Variants in MACC1 observed in about 807,000 individuals in gnomAD.
MACC1 encodes the protein metastasis-associated in colon cancer protein 1.
A neutral mutation model predicts 70.7 loss-of-function variants in MACC1; 79 were observed. The observed-to-expected ratio is 1.12, with a 90% CI of 0.93 to 1.35. The LOEUF is 1.35. MACC1 is among the 40% of genes most tolerant of loss of function. The pLI is 0.00. For synonymous variants in MACC1, 361 were observed against 347.2 expected (o/e 1.04, Z -0.44); for missense variants, 1,106 against 978.1 (o/e 1.13, Z -1.74).
intron 5 of MACC1, among the ~76,000 whole-genome samples, chr7:20,155,340 A>G (rs1156614630): frequency 6.6e-6 from 1 of 152,210 alleles, no homozygotes; most frequent in South Asian, 2.1e-4. Flanking sequence ...TTTTTCCTAT[A>G]CATACACACC....
intron 1 of MACC1, among the ~76,000 whole-genome samples, chr7:20,194,035 C>T (rs925703468): frequency 2.6e-5 from 4 of 152,130 alleles, no homozygotes; most frequent in South Asian, 4.1e-4. Flanking sequence ...CTCTGATCTG[C>T]GGTGACTCCT....
chr7:20,154,345 G>A lies in MACC1; in HGVS notation c.2194C>T (p.Arg732Cys), dbSNP rs376402233. ...LKMDCQELVA[R>C]LIQEAAVLTS... is the part of the protein sequence containing the mutation. ...AGAACAGCAGCTTCTTGGATGAGAC[G>A]TGCGACTAACTCTTGGCAATCCATT... is the stretch of plus-strand genomic sequence containing the variant. Residue 732 changes from arginine (R) to cysteine (C), a missense_variant, in exon 6 of 7, where the codon CGT becomes TGT. Coordinates refer to ENST00000400331, the MANE Select transcript of MACC1 (RefSeq NM_182762.4). 5.6e-6 allele frequency: 9 copies of A among 1,613,834 alleles called. No homozygotes were observed. Among genetic ancestry groups the A allele is most frequent in the African/African-American group, 1.3e-5 (1 of 75,004 alleles).
At chr7:20,217,254 T>C (rs1054415183) in intron 1 of MACC1, 45 bp downstream of exon 1, 4 of 152,220 alleles carry the variant, frequency 2.6e-5, no homozygotes, top group Non-Finnish European at 1.5e-5. Context: ...GTGTAGCACA[T>C]ATCAATAGTG....
intron 2 of MACC1, among the ~76,000 whole-genome samples, chr7:20,169,716 T>C (rs1260101223): frequency 2.0e-5 from 3 of 152,200 alleles, no homozygotes; most frequent in African/African-American, 7.2e-5. Context: ...TAGTATAAAC[T>C]TGGAAAGATA....
At chr7:20,185,492 T>A (rs78782116) in intron 1 of MACC1, among the ~76,000 whole-genome samples, 171 of 124,486 alleles carry the variant, frequency 1.4e-3, no homozygotes, top group East Asian at 5.0e-3. Flanking sequence ...AAAAAAAAAA[T>A]TTTTTTTCTT....
chr7:20,177,844 C>A (rs2128105452), intron 1 of MACC1, among the ~76,000 whole-genome samples: 2 of 151,790 alleles, frequency 1.3e-5, no homozygotes, highest in African/African-American at 4.8e-5. Context: ...AACCATTTGA[C>A]TGGTTGTCCA....
chr7:20,216,639 A>C (rs1783074734), intron 1 of MACC1, among the ~76,000 whole-genome samples: 1 of 152,154 alleles, frequency 6.6e-6, no homozygotes, highest in African/African-American at 2.4e-5. Context: ...TTCCAAGCTT[A>C]ATTGAAACTT....
At chr7:20,172,690 C>A (rs1425713314) in intron 1 of MACC1, among the ~76,000 whole-genome samples, 1 of 152,174 alleles carries the variant, frequency 6.6e-6, no homozygotes, top group African/African-American at 2.4e-5. Context: ...ATTTTTAATT[C>A]TTTCAATTGA....
In MACC1 at chr7:20,136,553, A is replaced by T. The variant is rs1781720068; in HGVS notation, c.*4393T>A. 2 of 152,240 alleles carry T rather than the reference A, an allele frequency of 1.3e-5. No individual in the cohort carries two copies. The highest frequency in any genetic ancestry group is 4.8e-5 in the African/African-American group (2 of 41,468). 9.4% of individuals were successfully genotyped at this position (152,240 alleles called of 1,614,324 possible). ...GATACATTTCAGATGCTGTATGTGT[A>T]CAAATTCAACTTTCCTATGTATATG... On this transcript the variant is annotated 3_prime_UTR_variant, in exon 7 of 7. Transcript: ENST00000400331.
intron 1 of MACC1, among the ~76,000 whole-genome samples, chr7:20,184,349 T>C (rs3095223): frequency 0.36 from 54,138 of 152,030 alleles, 11,379 homozygotes; most frequent in East Asian, 0.87. Context: ...GCAATCTCAA[T>C]TGTGCCCAAC....
intron 6 of MACC1, among the ~76,000 whole-genome samples, chr7:20,144,608 A>G (rs981490105): frequency 1.1e-4 from 17 of 152,200 alleles, no homozygotes; most frequent in African/African-American, 3.6e-4. Context: ...ACTTCTTAAT[A>G]GGATAGAGAA....
intron 1 of MACC1, among the ~76,000 whole-genome samples, chr7:20,187,587 A>G (rs1782607085): frequency 6.6e-6 from 1 of 152,128 alleles, no homozygotes; most frequent in African/African-American, 2.4e-5. Context: ...TTGACTAGCT[A>G]ATGGAACTAC....
At chr7:20,196,287 T>A (rs1272000573) in intron 1 of MACC1, among the ~76,000 whole-genome samples, 2 of 152,074 alleles carry the variant, frequency 1.3e-5, no homozygotes, top group African/African-American at 4.8e-5. Flanking sequence ...TTCACGCCAT[T>A]CTCCTGCCTC....
At chr7:20,181,893 C>T (rs1452215822) in intron 1 of MACC1, among the ~76,000 whole-genome samples, 1 of 151,782 alleles carries the variant, frequency 6.6e-6, no homozygotes, top group East Asian at 1.9e-4. Context: ...GAATAACTGA[C>T]AGATTATTAG....
At position 20,139,497 on chromosome 7, in the gene MACC1, T is replaced by A. The variant is rs1054063537; in HGVS notation, c.*1449A>T. ...CTGTTAGTATGCATGCCATTTTCTA[T>A]TTAACGGTGTCATTTTTTAAAATTA... On this transcript the variant is annotated 3_prime_UTR_variant, in exon 7 of 7. Transcript: ENST00000400331. The A allele has an allele frequency of 6.6e-6, 1 of 152,208 alleles. No homozygotes were observed. The highest frequency in any genetic ancestry group is 2.4e-5 in the African/African-American group (1 of 41,438). 9.4% of individuals were successfully genotyped at this position (152,208 alleles called of 1,614,324 possible).
chr7:20,154,482 T>C (rs1196470352), intron 5 of MACC1, 101 bp from the exon 6 acceptor site: 2 of 1,169,790 alleles, frequency 1.7e-6, no homozygotes, highest in African/African-American at 3.1e-5. Context: ...GGGAGTCCTT[T>C]TTTTTCACTA....
intron 2 of MACC1, among the ~76,000 whole-genome samples, chr7:20,165,349 A>G (rs1430419345): frequency 1.3e-5 from 2 of 152,146 alleles, no homozygotes; most frequent in African/African-American, 4.8e-5. Context: ...ACATGCTGAG[A>G]ACCACATTCT....
chr7:20,192,886 C>T (rs1482768379), intron 1 of MACC1, among the ~76,000 whole-genome samples: 1 of 152,184 alleles, frequency 6.6e-6, no homozygotes. Flanking sequence ...TTGAAAAGTA[C>T]TACAGGATTT....
At chr7:20,157,546 G>T (rs1782072358) in intron 5 of MACC1, among the ~76,000 whole-genome samples, 1 of 151,520 alleles carries the variant, frequency 6.6e-6, no homozygotes, top group East Asian at 1.9e-4. Context: ...CACTTTGGGA[G>T]GCAAAGGTGG....
Sources: gnomAD v4.1 joint callset for allele counts (sites outside exome capture counted in the v4.1 genomes callset) on GRCh38, gnomAD v4.1.1 for gene constraint, MANE v1.5 for transcripts, NCBI Gene and HGNC (gene_info 2026-07-23, HGNC 2026-07-21) for gene names.